The following TASP1 variants were observed in gnomAD, a reference collection of about 807,000 sequenced individuals.
The protein encoded by TASP1 is threonine aspartase 1.
TASP1 carries 16 observed loss-of-function variants against 56.6 expected under a neutral mutation model. The ratio of observed to expected loss-of-function variants is 0.28; its 90% CI spans 0.19 to 0.43. The LOEUF (loss-of-function observed/expected upper bound fraction) is 0.43, where lower values mean the gene tolerates loss of function less well. Among genes scored for constraint, TASP1 ranks in the 20% least tolerant of loss-of-function variants. The pLI is 1.00. For missense variants in TASP1, 393 were observed against 511.6 expected, an observed-to-expected ratio of 0.77 and a Z score of 2.24; for synonymous variants, 179 against 184.2, an observed-to-expected ratio of 0.97 and a Z score of 0.23.
At chr20:13,499,502 C>T (rs978902248) in intron 10 of TASP1, among the ~76,000 whole-genome samples, 24 of 150,922 alleles carry the variant, frequency 1.6e-4, no homozygotes, top group African/African-American at 4.9e-4. Flanking sequence ...GAAAAGGCAA[C>T]GCAAGGCAAA....
At chr20:13,344,292 C>T in the TASP1 span, among the ~76,000 whole-genome samples, 3 of 152,060 alleles carry the variant, frequency 2.0e-5, no homozygotes, top group Admixed American at 6.6e-5. Flanking sequence ...CACACACGCA[C>T]ACACACACCC....
At chr20:13,438,354 A>T (rs1439235187) in intron 11 of TASP1, among the ~76,000 whole-genome samples, 2 of 152,210 alleles carry the variant, frequency 1.3e-5, no homozygotes, top group African/African-American at 4.8e-5. Flanking sequence ...AATGCCACAT[A>T]TCTACAACCA....
intron 10 of TASP1, among the ~76,000 whole-genome samples, chr20:13,518,666 T>A (rs1226510965): frequency 1.3e-5 from 2 of 152,074 alleles, no homozygotes; most frequent in African/African-American, 4.8e-5. Context: ...TCATTCACAC[T>A]CATTCAGCAG....
At chr20:13,112,740 A>C in the TASP1 span, among the ~76,000 whole-genome samples, 9 of 152,220 alleles carry the variant, frequency 5.9e-5, no homozygotes, top group African/African-American at 2.2e-4. Flanking sequence ...GATAGGTAAC[A>C]GGGCATCTCT....
the TASP1 span, among the ~76,000 whole-genome samples, chr20:13,349,303 C>T: frequency 1.7e-3 from 260 of 152,272 alleles, 2 homozygotes; most frequent in Non-Finnish European, 3.3e-3. Context: ...AAAGGTGTAA[C>T]ATTTATCCCC....
intron 8 of TASP1, among the ~76,000 whole-genome samples, chr20:13,558,803 T>G (rs540528119): frequency 1.3e-5 from 2 of 152,124 alleles, no homozygotes; most frequent in East Asian, 3.8e-4. Context: ...TAAAATTAAT[T>G]TCCCTTGTTT....
chr20:13,115,143 T>C, the TASP1 span, among the ~76,000 whole-genome samples: 1 of 152,230 alleles, frequency 6.6e-6, no homozygotes, highest in African/African-American at 2.4e-5. Flanking sequence ...GGCACTGTTT[T>C]TTGACAGCAA....
chr20:13,374,028 C>A, the TASP1 span, among the ~76,000 whole-genome samples: 7 of 152,214 alleles, frequency 4.6e-5, no homozygotes, highest in African/African-American at 1.7e-4. Context: ...TCCTGTTGAG[C>A]CCCTTTAATA....
chr20:13,285,812 A>C, the TASP1 span, among the ~76,000 whole-genome samples: 1 of 152,250 alleles, frequency 6.6e-6, no homozygotes, highest in Non-Finnish European at 1.5e-5. Context: ...CAGGGATTCC[A>C]ACACAAGAGA....
intron 10 of TASP1, among the ~76,000 whole-genome samples, chr20:13,523,744 G>C (rs1262594680): frequency 6.6e-6 from 1 of 152,098 alleles, no homozygotes; most frequent in Admixed American, 6.6e-5. Flanking sequence ...ACCTTAAAAA[G>C]CAAAGAACTG....
intron 9 of TASP1, among the ~76,000 whole-genome samples, chr20:13,530,816 T>C (rs2045191288): frequency 6.6e-6 from 1 of 152,008 alleles, no homozygotes; most frequent in African/African-American, 2.4e-5. Context: ...GAATTAGAGG[T>C]TGTCCATCTC....
chr20:13,471,557 T>C (rs2044492831), intron 11 of TASP1, among the ~76,000 whole-genome samples: 1 of 152,220 alleles, frequency 6.6e-6, no homozygotes, highest in Non-Finnish European at 1.5e-5. Context: ...TTTGAGAGTC[T>C]TTAGTACATG....
the TASP1 span, among the ~76,000 whole-genome samples, chr20:13,314,099 A>C: frequency 2.0e-5 from 3 of 152,208 alleles, no homozygotes; most frequent in African/African-American, 7.2e-5. Context: ...AGAGAAAAAA[A>C]GACTGAAAGA....
the TASP1 span, among the ~76,000 whole-genome samples, chr20:13,146,920 C>T: frequency 6.6e-6 from 1 of 152,252 alleles, no homozygotes; most frequent in African/African-American, 2.4e-5. Flanking sequence ...CCTTCATGAT[C>T]TCCAAGCCTC....
At chr20:13,516,518 AC>A (rs1011553151) in intron 10 of TASP1, among the ~76,000 whole-genome samples, 2 of 152,066 alleles carry the variant, frequency 1.3e-5, no homozygotes, top group African/African-American at 4.8e-5. Context: ...TGCTCAACTT[AC>A]CCCCTCTCCA....
At chr20:13,622,684 T>C (rs2048757260) in intron 4 of TASP1, among the ~76,000 whole-genome samples, 1 of 152,172 alleles carries the variant, frequency 6.6e-6, no homozygotes, top group South Asian at 2.1e-4. Flanking sequence ...CTTTATCATC[T>C]CCTCCCTCAA....
At chr20:13,362,101 C>A in the TASP1 span, among the ~76,000 whole-genome samples, 15 of 150,068 alleles carry the variant, frequency 1.0e-4, no homozygotes, top group Admixed American at 3.4e-4. Flanking sequence ...GGTTCCCACG[C>A]CGCCCCTAAT....
chr20:13,294,343 C>T, the TASP1 span, among the ~76,000 whole-genome samples: 6 of 152,192 alleles, frequency 3.9e-5, no homozygotes, highest in African/African-American at 4.8e-5. Flanking sequence ...TTGCATTTAA[C>T]AGGAACCGTC....
At chr20:13,160,163 G>A in the TASP1 span, 3 of 1,585,286 alleles carry the variant, frequency 1.9e-6, no homozygotes, top group Admixed American at 1.7e-5. Context: ...CGGGATCTCA[G>A]TACCAGTACC....
Sources: gnomAD v4.1 joint callset for allele counts (sites outside exome capture counted in the v4.1 genomes callset) on GRCh38, gnomAD v4.1.1 for gene constraint, MANE v1.5 for transcripts, NCBI Gene and HGNC (gene_info 2026-07-23, HGNC 2026-07-21) for gene names.